Variants in UNC13C observed in about 807,000 individuals in gnomAD.
UNC13C encodes the protein protein unc-13 homolog C.
A neutral mutation model predicts 245.4 loss-of-function variants in UNC13C; 174 were observed. That is an observed-to-expected ratio of 0.71 (90% CI 0.63 to 0.80). The LOEUF (loss-of-function observed/expected upper bound fraction) is 0.80. UNC13C is among the 30% of genes least tolerant of loss of function. The probability of loss-of-function intolerance (pLI) is 0.00; values close to 1 mark genes in which losing one functional copy is unlikely to be tolerated. For missense variants in UNC13C, 2,829 were observed against 2,602.9 expected, an observed-to-expected ratio of 1.09 and a Z score of -1.89; for synonymous variants, 992 against 895.1, an observed-to-expected ratio of 1.11 and a Z score of -1.93.
chr15:53,969,326 C>A, the UNC13C span, among the ~76,000 whole-genome samples: 1 of 152,160 alleles, frequency 6.6e-6, no homozygotes, highest in African/African-American at 2.4e-5. Flanking sequence ...TTGCAGCATT[C>A]TATCCTCTAA....
At chr15:54,360,043 T>C (rs1257523167) in intron 17 of UNC13C, among the ~76,000 whole-genome samples, 1 of 151,996 alleles carries the variant, frequency 6.6e-6, no homozygotes, top group African/African-American at 2.4e-5. Context: ...CAATGAATTA[T>C]CTAATTTCTT....
At chr15:53,898,251 G>A in the UNC13C span, among the ~76,000 whole-genome samples, 1 of 151,918 alleles carries the variant, frequency 6.6e-6, no homozygotes. Context: ...TGTTAAAGTT[G>A]GGACTATTCA....
intron 14 of UNC13C, among the ~76,000 whole-genome samples, chr15:54,329,917 T>A (rs1248681363): frequency 6.6e-6 from 1 of 152,074 alleles, no homozygotes; most frequent in Non-Finnish European, 1.5e-5. Context: ...TAAATAAGAT[T>A]TCCCCCTTTG....
In UNC13C at chr15:54,627,789, C is replaced by A. The variant is rs1901279482; in HGVS notation, c.*676C>A. The A allele has an allele frequency of 6.6e-6, 1 of 152,522 alleles. No individual in the cohort carries two copies. The highest frequency in any genetic ancestry group is 1.5e-5 in the Non-Finnish European group (1 of 67,994). 9.4% of individuals were successfully genotyped at this position (152,522 alleles called of 1,614,324 possible). ...CTTTGTTCTCTAAAACTGCCAAGATCACATCACATTTGTAAAAATGGTAAG... is the reference window on the plus strand; with the variant it reads ...CTTTGTTCTCTAAAACTGCCAAGATAACATCACATTTGTAAAAATGGTAAG... On this transcript the variant is annotated 3_prime_UTR_variant, in exon 33 of 33. Transcript: ENST00000260323.
chr15:54,436,420 T>C (rs143914426), intron 19 of UNC13C, among the ~76,000 whole-genome samples: 94 of 151,968 alleles, frequency 6.2e-4, no homozygotes, highest in African/African-American at 2.1e-3. Flanking sequence ...CAAATGCCCA[T>C]CAGGGACAGA....
At chr15:54,453,205 G>C (rs1327711766) in intron 19 of UNC13C, among the ~76,000 whole-genome samples, 1 of 152,146 alleles carries the variant, frequency 6.6e-6, no homozygotes, top group Non-Finnish European at 1.5e-5. Context: ...GGATTGGAGG[G>C]GTCCATGGTG....
chr15:54,392,446 A>C (rs1291337485), intron 17 of UNC13C, among the ~76,000 whole-genome samples: 1 of 152,008 alleles, frequency 6.6e-6, no homozygotes. Flanking sequence ...AACTTACAAA[A>C]TTTTAGTTAC....
chr15:53,853,540 T>A, the UNC13C span, among the ~76,000 whole-genome samples: 1 of 152,194 alleles, frequency 6.6e-6, no homozygotes, highest in African/African-American at 2.4e-5. Flanking sequence ...AAATGGTATT[T>A]CGGCCTCTAG....
At position 54,366,499 on chromosome 15, in the gene UNC13C, C is replaced by T. The variant is rs181860865; in HGVS notation, c.4714-26549C>T. ...GAACACACATACACACACATACATC[C>T]ATCGATATGTAGTACATTTAACCCA... On this transcript the variant is annotated intron_variant, in intron 17 of 32. Coordinates refer to ENST00000260323, the MANE Select transcript of UNC13C (RefSeq NM_001080534.3). Among the ~76,000 whole-genome samples, 187 of 152,242 alleles carry T rather than the reference C, an allele frequency of 1.2e-3. 1 individual carries two copies. Among genetic ancestry groups the T allele is most frequent in the African/African-American group, 4.2e-3 (176 of 41,544 alleles).
chr15:54,392,416 G>A (rs904545889), intron 17 of UNC13C, among the ~76,000 whole-genome samples: 3 of 151,708 alleles, frequency 2.0e-5, no homozygotes, highest in Non-Finnish European at 4.4e-5. Flanking sequence ...TTAAAAAAAG[G>A]AAAAAAAGAG....
chr15:54,123,883 T>C (rs2141199694), intron 2 of UNC13C, among the ~76,000 whole-genome samples: 1 of 152,282 alleles, frequency 6.6e-6, no homozygotes, highest in South Asian at 2.1e-4. Flanking sequence ...TCCTGGCAAC[T>C]GCTAATGTGT....
intron 2 of UNC13C, among the ~76,000 whole-genome samples, chr15:54,132,085 T>TTTTTTTTTTTTTC (rs2031465813): frequency 6.7e-6 from 1 of 150,140 alleles, no homozygotes. Context: ...TTTTTTTTTT[T>TTTTTTTTTTTTTC]TGACAGCGTC....
At chr15:53,967,716 G>A in the UNC13C span, among the ~76,000 whole-genome samples, 6 of 152,182 alleles carry the variant, frequency 3.9e-5, no homozygotes. Context: ...GGAAGGGGAA[G>A]TGTAAGTTAC....
chr15:54,105,231 G>A (rs1345837871), intron 2 of UNC13C, among the ~76,000 whole-genome samples: 1 of 152,100 alleles, frequency 6.6e-6, no homozygotes, highest in Non-Finnish European at 1.5e-5. Flanking sequence ...TAAACCTTGG[G>A]TATTCTTCCC....
At chr15:54,456,447 A>G (rs956485402) in intron 19 of UNC13C, among the ~76,000 whole-genome samples, 2 of 151,958 alleles carry the variant, frequency 1.3e-5, no homozygotes, top group Admixed American at 1.3e-4. Flanking sequence ...TGGCAGTGTG[A>G]TCATTTTCAT....
At chr15:53,978,373 C>A (rs1415448361), upstream of UNC13C, among the ~76,000 whole-genome samples, 1 of 151,640 alleles carries the variant, frequency 6.6e-6, no homozygotes, top group African/African-American at 2.4e-5. Context: ...CGTGCTACGG[C>A]GGCAGGAGAG....
intron 3 of UNC13C, 99 bp downstream of exon 3, chr15:54,143,139 T>C: frequency 8.7e-7 from 1 of 1,147,880 alleles, no homozygotes; most frequent in Non-Finnish European, 1.3e-6. Context: ...TGTTTTAGTT[T>C]TGAAATGTGC....
intron 17 of UNC13C, among the ~76,000 whole-genome samples, chr15:54,366,898 T>TA (rs1401251111): frequency 6.6e-6 from 1 of 152,124 alleles, no homozygotes; most frequent in African/African-American, 2.4e-5. Context: ...ACATCCCTGT[T>TA]ACAGCACAGC....
chr15:54,259,627 G>A (rs968783949), intron 8 of UNC13C, among the ~76,000 whole-genome samples: 1 of 152,176 alleles, frequency 6.6e-6, no homozygotes, highest in African/African-American at 2.4e-5. Context: ...TCAGATTTGG[G>A]CGAGGACACA....
Sources: gnomAD v4.1 joint callset for allele counts (sites outside exome capture counted in the v4.1 genomes callset) on GRCh38, gnomAD v4.1.1 for gene constraint, MANE v1.5 for transcripts, NCBI Gene and HGNC (gene_info 2026-07-23, HGNC 2026-07-21) for gene names.